Variants in CWC27 observed in about 807,000 individuals in gnomAD.
The protein encoded by CWC27 is CWC27 spliceosome associated cyclophilin.
In CWC27, 47 loss-of-function variants were observed where a neutral mutation model predicts 63.6. The observed-to-expected ratio is 0.74, with a 90% CI of 0.58 to 0.94. The LOEUF (loss-of-function observed/expected upper bound fraction) is 0.94. Among genes scored for constraint, CWC27 ranks in the 40% least tolerant of loss-of-function variants. The pLI is 0.00. For synonymous variants in CWC27, 175 were observed against 179.8 expected (o/e 0.97, Z 0.22); for missense variants, 495 against 554.3 (o/e 0.89, Z 1.07).
chr5:64,859,236 A>G (rs966540835), intron 10 of CWC27, among the ~76,000 whole-genome samples: 2 of 152,186 alleles, frequency 1.3e-5, no homozygotes, highest in Non-Finnish European at 2.9e-5. Context: ...TAGAAAGCAG[A>G]ACAGTGGTTG....
chr5:64,933,403 C>T (rs1183002316), intron 11 of CWC27, among the ~76,000 whole-genome samples: 1 of 152,042 alleles, frequency 6.6e-6, no homozygotes, highest in African/African-American at 2.4e-5. Flanking sequence ...TATCTTTTAC[C>T]TCGATTTGCC....
intron 11 of CWC27, among the ~76,000 whole-genome samples, chr5:64,931,123 T>C (rs963396467): frequency 9.2e-5 from 14 of 152,110 alleles, no homozygotes; most frequent in Non-Finnish European, 1.8e-4. Context: ...AGTAAAGTAT[T>C]GCATCACTAT....
chr5:64,784,551 A>G (rs898779001), intron 4 of CWC27, among the ~76,000 whole-genome samples: 8 of 151,410 alleles, frequency 5.3e-5, no homozygotes, highest in Admixed American at 3.9e-4. Flanking sequence ...ATATGTTTCT[A>G]TATGTTTTAA....
At chr5:64,890,696 T>C (rs1387064991) in intron 11 of CWC27, among the ~76,000 whole-genome samples, 3 of 152,230 alleles carry the variant, frequency 2.0e-5, no homozygotes, top group Non-Finnish European at 4.4e-5. Flanking sequence ...CAGCCATCAT[T>C]TTCTAGTTCT....
rs2112169710 is a variant in CWC27 at position 64,785,464 on chromosome 5, T to C, written c.397-17T>C. ...AGTGCAATAATTTTCAATTACATTA[T>C]ATTTTTAATTTGATAGGTTACAGGG... On this transcript the variant is annotated splice_polypyrimidine_tract_variant and intron_variant, in intron 4 of 13. Transcript: ENST00000381070. 1 of 1,207,000 alleles carries C rather than the reference T, an allele frequency of 8.3e-7. No individual in the cohort carries two copies. The highest frequency in any genetic ancestry group is 2.8e-5 in the South Asian group (1 of 35,768). The allele number at this position is 1,207,000 out of a possible 1,614,324, so 74.8% of individuals were successfully genotyped here.
chr5:64,967,945 C>T (rs1490200068), intron 11 of CWC27, among the ~76,000 whole-genome samples: 3 of 151,862 alleles, frequency 2.0e-5, no homozygotes, highest in African/African-American at 7.2e-5. Context: ...AACTTTTGCT[C>T]TTTGAAAGAT....
chr5:64,799,198 G>A (rs764789254), intron 7 of CWC27, among the ~76,000 whole-genome samples: 5 of 152,094 alleles, frequency 3.3e-5, no homozygotes, highest in Non-Finnish European at 5.9e-5. Context: ...CTGTAAAATG[G>A]GGCTAATAAT....
intron 11 of CWC27, among the ~76,000 whole-genome samples, chr5:64,889,559 A>T (rs929366169): frequency 6.6e-6 from 1 of 152,262 alleles, no homozygotes; most frequent in African/African-American, 2.4e-5. Context: ...GAAAGTTAAC[A>T]GAAAAATACT....
chr5:64,992,058 G>A (rs968038417), intron 13 of CWC27, among the ~76,000 whole-genome samples: 4 of 152,110 alleles, frequency 2.6e-5, no homozygotes, highest in South Asian at 2.1e-4. Context: ...AGGAGATGAA[G>A]GTGACTCTAG....
chr5:64,828,724 G>C (rs978828832), intron 10 of CWC27, among the ~76,000 whole-genome samples: 5 of 152,032 alleles, frequency 3.3e-5, no homozygotes, highest in Admixed American at 6.6e-5. Context: ...AGATTATTTT[G>C]TTATTGACAA....
intron 11 of CWC27, among the ~76,000 whole-genome samples, chr5:64,935,159 T>C (rs1344028060): frequency 6.6e-6 from 1 of 152,254 alleles, no homozygotes; most frequent in African/African-American, 2.4e-5. Flanking sequence ...TTTCATGTTT[T>C]AGTCATGAAG....
At chr5:64,957,019 G>A (rs1748814972) in intron 11 of CWC27, among the ~76,000 whole-genome samples, 1 of 152,078 alleles carries the variant, frequency 6.6e-6, no homozygotes, top group Non-Finnish European at 1.5e-5. Context: ...TATTGCTTCA[G>A]TTTCCTCAAT....
At chr5:64,993,059 A>C (rs1004571601) in intron 13 of CWC27, among the ~76,000 whole-genome samples, 24 of 152,148 alleles carry the variant, frequency 1.6e-4, no homozygotes, top group African/African-American at 5.8e-4. Context: ...CTAACTTCTA[A>C]GCCTCAATTT....
At chr5:64,956,960 G>T (rs574782860) in intron 11 of CWC27, among the ~76,000 whole-genome samples, 154 of 152,168 alleles carry the variant, frequency 1.0e-3, no homozygotes, top group African/African-American at 3.6e-3. Flanking sequence ...CTAAAAAAAT[G>T]GTGATGGTGC....
intron 5 of CWC27, among the ~76,000 whole-genome samples, chr5:64,786,164 C>CAA (rs1209111233): frequency 1.9e-3 from 123 of 63,914 alleles, no homozygotes; most frequent in South Asian, 3.2e-3. Flanking sequence ...GACTCCATCT[C>CAA]AAAAAAAAAA....
chr5:64,927,318 T>C (rs552607305), intron 11 of CWC27, among the ~76,000 whole-genome samples: 1 of 152,354 alleles, frequency 6.6e-6, no homozygotes, highest in Non-Finnish European at 1.5e-5. Flanking sequence ...CCACTATAGA[T>C]GGTGACGTTT....
In CWC27 at chr5:64,905,206, A is replaced by AAAAAAAAAAAC. The variant is rs1239367936; in HGVS notation, c.1042+19670_1042+19671insCAAAAAAAAAA. ...ACAGAGCCACACTACATCTCAAAAA[A>AAAAAAAAAAAC]AAAAAAAAAAAAAAAAAACACCTAA... On this transcript the variant is annotated intron_variant, in intron 11 of 13. Transcript: ENST00000381070. 6.0e-5 allele frequency among the ~76,000 whole-genome samples: 9 copies of AAAAAAAAAAAC among 150,804 alleles called. 1 individual carries two copies. The highest frequency in any genetic ancestry group is 2.2e-4 in the African/African-American group (9 of 40,896).
intron 11 of CWC27, among the ~76,000 whole-genome samples, chr5:64,921,210 A>G (rs1747990039): frequency 6.6e-6 from 1 of 152,178 alleles, no homozygotes; most frequent in Non-Finnish European, 1.5e-5. Flanking sequence ...GTCAGTCAAG[A>G]GCAAGTTGTT....
rs576422415 is a variant in CWC27 at position 65,003,947 on chromosome 5, C to T, written c.1257-14212C>T. 9.2e-5 allele frequency among the ~76,000 whole-genome samples: 14 copies of T among 151,952 alleles called. No homozygotes were observed. The East Asian group carries it at 1.6e-3, about 17-fold the overall frequency. On this transcript the variant is annotated intron_variant, in intron 13 of 13. Transcript: ENST00000381070. ...GCAACCACTGCCTCCCCAGCTCAAGCGATTCTCGTACTTCAGCCTCCCAAG... is the reference window on the plus strand; with the variant it reads ...GCAACCACTGCCTCCCCAGCTCAAGTGATTCTCGTACTTCAGCCTCCCAAG...
Sources: gnomAD v4.1 joint callset for allele counts (sites outside exome capture counted in the v4.1 genomes callset) on GRCh38, gnomAD v4.1.1 for gene constraint, MANE v1.5 for transcripts, NCBI Gene and HGNC (gene_info 2026-07-23, HGNC 2026-07-21) for gene names.